NPAS1: variants seen among roughly 807,000 people sequenced by gnomAD.
NPAS1 encodes neuronal PAS domain protein 1.
NPAS1 carries 29 observed loss-of-function variants against 49.2 expected under a neutral mutation model. That is an observed-to-expected ratio of 0.59 (90% confidence interval 0.44 to 0.80). NPAS1 has a LOEUF of 0.80. Ranked by LOEUF, NPAS1 falls within the 30% of genes least tolerant of loss-of-function variation. NPAS1 has a pLI of 0.00. For missense variants in NPAS1, 825 were observed against 835.5 expected, an observed-to-expected ratio of 0.99 and a Z score of 0.15; for synonymous variants, 408 against 380.4, an observed-to-expected ratio of 1.07 and a Z score of -0.84.
intron 1 of NPAS1, 131 bp from the exon 2 acceptor site, chr19:47,020,875 A>G: frequency 2.2e-6 from 1 of 464,356 alleles, no homozygotes; most frequent in South Asian, 3.5e-5. Flanking sequence ...CAGGTAGGGG[A>G]AACTGAGGCA....
At chr19:47,041,958 C>A (rs569049898) in intron 10 of NPAS1, among the ~76,000 whole-genome samples, 2 of 138,448 alleles carry the variant, frequency 1.4e-5, no homozygotes, top group Non-Finnish European at 3.0e-5. Flanking sequence ...CCAGCCTGGG[C>A]GACAGAGTGA....
intron 6 of NPAS1, among the ~76,000 whole-genome samples, chr19:47,038,456 G>GCAGTAGGCCGAGATCGTGCCACTGCACA (rs2056983745): frequency 6.6e-6 from 1 of 151,272 alleles, no homozygotes; most frequent in Non-Finnish European, 1.5e-5. Context: ...GACGGAGGTC[G>GCAGTAGGCCGAGATCGTGCCACTGCACA]CAGTAGGCCG....
chr19:47,039,019 T>C lies in NPAS1; in HGVS notation c.689-17T>C. On this transcript the variant is annotated splice_polypyrimidine_tract_variant and intron_variant, in intron 6 of 11. Coordinates refer to ENST00000602212, the MANE Select transcript of NPAS1 (RefSeq NM_002517.4). ...CCTCTTCAGGACCCCATAACCTTCCTTCACTCTCTGTCCCAGAGGCCAGCC... is the reference window on the plus strand; with the variant it reads ...CCTCTTCAGGACCCCATAACCTTCCCTCACTCTCTGTCCCAGAGGCCAGCC... The C allele has an allele frequency of 6.2e-7, 1 of 1,611,288 alleles. No homozygotes were observed. The highest frequency in any genetic ancestry group is 1.1e-5 in the South Asian group (1 of 91,036).
At chr19:47,038,622 T>G (rs1053753230) in intron 6 of NPAS1, among the ~76,000 whole-genome samples, 8 of 138,444 alleles carry the variant, frequency 5.8e-5, no homozygotes, top group African/African-American at 1.6e-4. Context: ...AAGTCAGGAG[T>G]TCAAAACCAG....
intron 9 of NPAS1, chr19:47,040,752 G>T: frequency 3.4e-6 from 2 of 595,076 alleles, no homozygotes; most frequent in Non-Finnish European, 5.9e-6. Flanking sequence ...GGGGGGGTCT[G>T]GGGGGCTGTG....
At chr19:47,028,775 C>T (rs1205576285) in intron 3 of NPAS1, among the ~76,000 whole-genome samples, 1 of 152,012 alleles carries the variant, frequency 6.6e-6, no homozygotes, top group African/African-American at 2.4e-5. Context: ...TCAAGGTCAC[C>T]AAGTCTCTCC....
chr19:47,033,003 G>GCGTGGTGCA (rs2056918491), intron 5 of NPAS1, among the ~76,000 whole-genome samples: 1 of 151,946 alleles, frequency 6.6e-6, no homozygotes, highest in Non-Finnish European at 1.5e-5. Context: ...GCAGTGGTGC[G>GCGTGGTGCA]ATCTTCGCTC....
chr19:47,027,017 G>T (rs991161088), intron 3 of NPAS1, among the ~76,000 whole-genome samples: 2 of 151,876 alleles, frequency 1.3e-5, no homozygotes, highest in African/African-American at 4.8e-5. Flanking sequence ...CCTACTGTAT[G>T]CACTAGCCCA....
intron 5 of NPAS1, among the ~76,000 whole-genome samples, chr19:47,034,542 G>A (rs903049801): frequency 2.0e-5 from 3 of 152,112 alleles, no homozygotes; most frequent in African/African-American, 7.2e-5. Context: ...GACACCAAAA[G>A]GAGGGGAATT....
Position 47,045,206 on chromosome 19 carries a change from C to T in NPAS1, c.1328C>T (p.Thr443Met), listed in dbSNP as rs2057063233. The T allele has an allele frequency of 3.1e-6, 5 of 1,613,464 alleles. No homozygotes were observed. Among genetic ancestry groups the T allele is most frequent in the African/African-American group, 2.7e-5 (2 of 74,926 alleles). The change falls in exon 12 of 12, where the codon ACG (threonine) becomes ATG (methionine). Residue 443 changes from threonine (T) to methionine (M), a missense_variant. By Grantham distance (81) the Thr-to-Met change is moderately conservative. Transcript: ENST00000602212. The part of the protein sequence containing the change: ...GPEPTEPEPP[T>M]EGKQAAPAEN... The stretch of plus-strand genomic sequence containing the variant: ...CCTCTTCCAGAGCCGGAGCCTCCGA[C>T]GGAAGGGAAGCAGGCTGCCCCAGCG...
Position 47,039,119 on chromosome 19 carries a change from A to AG in NPAS1, c.777dup (p.Leu260AlafsTer38). The AG allele has an allele frequency of 6.2e-7, 1 of 1,613,220 alleles. No individual in the cohort carries two copies. ...CCGCATGAAATCCACGCTCACCAAGAGGGGGCTGCACGTCAAGGCCTCAGG... is the reference window on the plus strand; with the variant it reads ...CCGCATGAAATCCACGCTCACCAAGAGGGGGGCTGCACGTCAAGGCCTCAGG... On this transcript the variant is annotated frameshift_variant, in exon 7 of 12. Coordinates refer to ENST00000602212, the MANE Select transcript of NPAS1 (RefSeq NM_002517.4). LOFTEE classifies it high-confidence loss of function.
At chr19:47,025,116 C>G (rs371192671) in intron 3 of NPAS1, among the ~76,000 whole-genome samples, 1 of 135,288 alleles carries the variant, frequency 7.4e-6, no homozygotes, top group Non-Finnish European at 1.7e-5. Context: ...TCTTTCTTCC[C>G]ATAGCACTTA....
chr19:47,041,521 C>T (rs571276269), intron 10 of NPAS1, among the ~76,000 whole-genome samples: 7 of 152,024 alleles, frequency 4.6e-5, no homozygotes, highest in Admixed American at 2.0e-4. Flanking sequence ...GGAAGGGCTC[C>T]AAGCAACAGC....
intron 6 of NPAS1, among the ~76,000 whole-genome samples, chr19:47,036,465 G>A (rs2056957464): frequency 6.6e-6 from 1 of 152,236 alleles, no homozygotes; most frequent in Non-Finnish European, 1.5e-5. Flanking sequence ...TTAGGGCCGG[G>A]CGCGGCGGCT....
intron 10 of NPAS1, among the ~76,000 whole-genome samples, chr19:47,042,575 G>A (rs2057032833): frequency 6.6e-6 from 1 of 152,208 alleles, no homozygotes; most frequent in Non-Finnish European, 1.5e-5. Flanking sequence ...CCCAGGTGGT[G>A]ACATCCAGGT....
rs924511136 is a variant in NPAS1, at chr19:47,037,077, T to C, written c.688+948T>C. On this transcript the variant is annotated intron_variant, in intron 6 of 11. Coordinates refer to ENST00000602212, the MANE Select transcript of NPAS1 (RefSeq NM_002517.4). Reference sequence around the variant, plus strand: ...GAAAAAAAAAAAAAAAAAGGCTGGGTGCGGTGGCTCACGCCTGTAATCCCA... The same window carrying C: ...GAAAAAAAAAAAAAAAAAGGCTGGGCGCGGTGGCTCACGCCTGTAATCCCA... 1.1e-4 allele frequency among the ~76,000 whole-genome samples: 14 copies of C among 129,044 alleles called. 1 individual carries two copies. The Admixed American group carries it at 1.1e-3, about 10-fold the overall frequency. 84.7% of individuals were successfully genotyped at this position (129,044 alleles called of 152,430 possible). A position where few individuals can be genotyped will look rare whatever the true frequency, so the allele number is the denominator to read the frequency against.
intron 5 of NPAS1, among the ~76,000 whole-genome samples, chr19:47,034,071 G>A (rs1407920175): frequency 6.5e-5 from 9 of 138,788 alleles, no homozygotes; most frequent in South Asian, 2.3e-4. Flanking sequence ...TTGGGAGGCC[G>A]AGGCAGGCAA....
chr19:47,025,008 A>T (rs142685559), intron 3 of NPAS1, among the ~76,000 whole-genome samples: 49,255 of 142,836 alleles, frequency 0.34, 11,488 homozygotes, highest in Non-Finnish European at 0.5. Context: ...ATGGGGTTTC[A>T]CCATGTTGGC....
chr19:47,027,328 C>T (rs1352087503), intron 3 of NPAS1, among the ~76,000 whole-genome samples: 1 of 134,334 alleles, frequency 7.4e-6, no homozygotes, highest in Non-Finnish European at 1.6e-5. Flanking sequence ...GCCCCTGGAT[C>T]CCCCTCTCTC....
Sources: gnomAD v4.1 joint callset for allele counts (sites outside exome capture counted in the v4.1 genomes callset) on GRCh38, gnomAD v4.1.1 for gene constraint, MANE v1.5 for transcripts, NCBI Gene and HGNC (gene_info 2026-07-23, HGNC 2026-07-21) for gene names.